GRM5: variants seen among roughly 807,000 people sequenced by gnomAD.
The protein encoded by GRM5 is metabotropic glutamate receptor 5.
Under a neutral mutation model 83.1 loss-of-function variants are expected in GRM5, and 19 were observed. The observed-to-expected ratio is 0.23, with a 90% CI of 0.16 to 0.34. The LOEUF (loss-of-function observed/expected upper bound fraction) is 0.34, where lower values mean the gene tolerates loss of function less well. GRM5 is among the 10% of genes least tolerant of loss of function. GRM5 has a pLI of 1.00. For missense variants in GRM5, 1,160 were observed against 1,588.3 expected (o/e 0.73, Z 4.58); for synonymous variants, 675 against 633.6 (o/e 1.07, Z -0.98).
At chr11:89,040,660 C>A (rs1941508025) in intron 2 of GRM5, among the ~76,000 whole-genome samples, 2 of 152,080 alleles carry the variant, frequency 1.3e-5, no homozygotes, top group African/African-American at 4.8e-5. Flanking sequence ...ATGACCATGC[C>A]ACTCTTCTTC....
chr11:89,058,082 C>CAAA (rs910479841), intron 1 of GRM5, among the ~76,000 whole-genome samples: 1 of 151,270 alleles, frequency 6.6e-6, no homozygotes, highest in African/African-American at 2.4e-5. Flanking sequence ...GGTCTCCCCA[C>CAAA]AAAAAAAAAC....
At chr11:88,574,630 G>A (rs1244814193) in intron 7 of GRM5, among the ~76,000 whole-genome samples, 1 of 152,126 alleles carries the variant, frequency 6.6e-6, no homozygotes, top group East Asian at 1.9e-4. Context: ...AGCCAGGCAT[G>A]GTGGCAGGCA....
At position 88,776,256 on chromosome 11, in the gene GRM5, T is replaced by C. The variant is rs946366692; in HGVS notation, c.911+73650A>G. On this transcript the variant is annotated intron_variant, in intron 3 of 9. Coordinates refer to ENST00000305447, the MANE Select transcript of GRM5 (RefSeq NM_001143831.3). Reference sequence around the variant, plus strand: ...AAGTCTGTTTTATCATAGAATAGGATTGCAACCCCTGTTTTTTTTGCTTTC... The same window carrying C: ...AAGTCTGTTTTATCATAGAATAGGACTGCAACCCCTGTTTTTTTTGCTTTC... Among the ~76,000 whole-genome samples, 3 of 152,186 alleles carry C rather than the reference T, an allele frequency of 2.0e-5. No individual in the cohort carries two copies. The East Asian group carries it at 5.8e-4, about 29-fold the overall frequency.
chr11:88,546,186 C>G (rs935479099), intron 8 of GRM5, among the ~76,000 whole-genome samples: 1 of 152,018 alleles, frequency 6.6e-6, no homozygotes, highest in Admixed American at 6.6e-5. Flanking sequence ...TGTATCTAAA[C>G]ATATCTAAAA....
At chr11:89,048,162 T>C (rs1245625190) in intron 1 of GRM5, 90 bp from the exon 2 acceptor site, 1 of 308,730 alleles carries the variant, frequency 3.2e-6, no homozygotes, top group Non-Finnish European at 6.0e-6. Context: ...AGAGAAAATA[T>C]TTTGATGATG....
chr11:89,036,945 G>C (rs1214933820), intron 2 of GRM5, among the ~76,000 whole-genome samples: 1 of 152,022 alleles, frequency 6.6e-6, no homozygotes, highest in Non-Finnish European at 1.5e-5. Flanking sequence ...ATTCTCAAAA[G>C]AAGTCTAAAT....
intron 1 of GRM5, among the ~76,000 whole-genome samples, chr11:89,060,400 A>C (rs904927575): frequency 6.6e-6 from 1 of 152,226 alleles, no homozygotes; most frequent in East Asian, 1.9e-4. Context: ...AATTAATTGC[A>C]CAAATAAAAA....
intron 3 of GRM5, among the ~76,000 whole-genome samples, chr11:88,844,086 GC>G (rs959804261): frequency 6.6e-6 from 1 of 152,094 alleles, no homozygotes. Flanking sequence ...GGAAGAAGAT[GC>G]CATCTAACAC....
At chr11:88,837,875 G>C (rs1450539154) in intron 3 of GRM5, among the ~76,000 whole-genome samples, 2 of 151,958 alleles carry the variant, frequency 1.3e-5, no homozygotes, top group African/African-American at 4.8e-5. Context: ...ACGAGGTCAG[G>C]AGATGGAGAC....
intron 3 of GRM5, among the ~76,000 whole-genome samples, chr11:88,716,364 G>A (rs1460995373): frequency 6.6e-6 from 1 of 151,822 alleles, no homozygotes; most frequent in Non-Finnish European, 1.5e-5. Context: ...TTATTATTAG[G>A]GTGGTGGGTG....
chr11:88,861,733 C>A (rs998989556), intron 2 of GRM5, among the ~76,000 whole-genome samples: 3 of 152,096 alleles, frequency 2.0e-5, no homozygotes, highest in Admixed American at 6.6e-5. Context: ...GAAGCCTCAG[C>A]CTCCCAGAGT....
chr11:89,019,506 C>T (rs1423647278), intron 2 of GRM5, among the ~76,000 whole-genome samples: 1 of 151,268 alleles, frequency 6.6e-6, no homozygotes, highest in Non-Finnish European at 1.5e-5. Flanking sequence ...ACCAGCCTGA[C>T]CAATGTGATG....
chr11:88,881,668 T>G (rs910892552), intron 2 of GRM5, among the ~76,000 whole-genome samples: 2 of 152,160 alleles, frequency 1.3e-5, no homozygotes, highest in African/African-American at 4.8e-5. Flanking sequence ...TCTCTTAGAC[T>G]TTTCTAGTTC....
chr11:88,955,807 C>T (rs1374556920), intron 2 of GRM5, among the ~76,000 whole-genome samples: 1 of 152,182 alleles, frequency 6.6e-6, no homozygotes, highest in Admixed American at 6.5e-5. Context: ...GAATTCATCA[C>T]TCCTTGTTCA....
intron 9 of GRM5, among the ~76,000 whole-genome samples, chr11:88,517,161 ACG>A (rs1591316258): frequency 6.8e-6 from 1 of 146,974 alleles, no homozygotes; most frequent in Non-Finnish European, 1.5e-5. Flanking sequence ...ACACACACAC[ACG>A]TTTCTGATCC....
At chr11:88,709,892 T>C (rs1393842347) in intron 3 of GRM5, among the ~76,000 whole-genome samples, 1 of 151,982 alleles carries the variant, frequency 6.6e-6, no homozygotes, top group Non-Finnish European at 1.5e-5. Flanking sequence ...GCCACTGGAG[T>C]TGGCAGGAGG....
chr11:89,021,325 C>T (rs535597104), intron 2 of GRM5, among the ~76,000 whole-genome samples: 1 of 152,306 alleles, frequency 6.6e-6, no homozygotes, highest in Non-Finnish European at 1.5e-5. Flanking sequence ...GCACAAGCCT[C>T]TTTAAAATCA....
chr11:89,048,447 G>A (rs1415878718), intron 1 of GRM5, among the ~76,000 whole-genome samples: 1 of 152,130 alleles, frequency 6.6e-6, no homozygotes, highest in East Asian at 1.9e-4. Context: ...ATTAAACATT[G>A]GTGATCTCTT....
At chr11:89,042,311 G>A (rs1425801058) in intron 2 of GRM5, among the ~76,000 whole-genome samples, 2 of 152,116 alleles carry the variant, frequency 1.3e-5, no homozygotes, top group Non-Finnish European at 2.9e-5. Context: ...TAGAAAAATG[G>A]CAAAAAGGAA....
Sources: allele counts gnomAD v4.1 joint callset (sites outside exome capture counted in the v4.1 genomes callset), GRCh38; gene constraint gnomAD v4.1.1; transcripts MANE v1.5; gene names NCBI Gene and HGNC (gene_info 2026-07-23, HGNC 2026-07-21).